Variants in SLC27A4 observed in about 807,000 individuals in gnomAD.
The protein encoded by SLC27A4 is long-chain fatty acid transport protein 4.
A neutral mutation model predicts 64.4 loss-of-function variants in SLC27A4; 33 were observed. The observed-to-expected ratio is 0.51, with a 90% confidence interval of 0.39 to 0.68. The LOEUF (loss-of-function observed/expected upper bound fraction) is 0.68. Among genes scored for constraint, SLC27A4 ranks in the 30% least tolerant of loss-of-function variants. The probability of loss-of-function intolerance (pLI) is 0.00; values close to 1 mark genes in which losing one functional copy is unlikely to be tolerated. For missense variants in SLC27A4, 824 were observed against 883.5 expected (o/e 0.93, Z 0.85); for synonymous variants, 377 against 370.0 (o/e 1.02, Z -0.22).
intron 4 of SLC27A4, among the ~76,000 whole-genome samples, chr9:128,349,931 C>T (rs1832709119): frequency 6.6e-6 from 1 of 152,200 alleles, no homozygotes; most frequent in South Asian, 2.1e-4. Context: ...CTCCTGCAAG[C>T]TTGGGCCAAA....
In SLC27A4 at chr9:128,352,896, C is replaced by A. The variant is rs182534468; in HGVS notation, c.988-129C>A. 140 of 1,079,416 alleles carry A rather than the reference C, an allele frequency of 1.3e-4. 1 individual carries two copies. The East Asian group carries it at 3.0e-3, about 23-fold the overall frequency. The allele number at this position is 1,079,416 out of a possible 1,614,324, so 66.9% of individuals were successfully genotyped here. ...AGTTCCCATTGTTCAGATGGGAAGG[C>A]TGAGACCCGGAGAGGGAAAGGATGG... On this transcript the variant is annotated intron_variant, in intron 7 of 12. Transcript: ENST00000300456.
At chr9:128,359,186 A>T (rs1832863216) in intron 12 of SLC27A4, among the ~76,000 whole-genome samples, 1 of 152,160 alleles carries the variant, frequency 6.6e-6, no homozygotes, top group African/African-American at 2.4e-5. Flanking sequence ...TACAGGATTA[A>T]TACCATTGAT....
In SLC27A4 at chr9:128,350,592, C is replaced by CA; in HGVS notation, c.877+18dup. ...ACTCAGCAGGTAACTCTAGGGCTGT[C>CA]ACACAGCCTCCAGCACCTGCCAGGT... On this transcript the variant is annotated intron_variant, in intron 6 of 12. Coordinates refer to ENST00000300456, the MANE Select transcript of SLC27A4 (RefSeq NM_005094.4). 1.9e-6 allele frequency: 3 copies of CA among 1,586,374 alleles called. No homozygotes were observed. Among genetic ancestry groups the CA allele is most frequent in the Non-Finnish European group, 2.6e-6 (3 of 1,158,952 alleles).
chr9:128,348,519 C>G, intron 3 of SLC27A4, 26 bp from the exon 4 acceptor site: 1 of 1,612,122 alleles, frequency 6.2e-7, no homozygotes, highest in Non-Finnish European at 8.5e-7. Flanking sequence ...TCTGGCCTGC[C>G]TGCTGACTGC....
chr9:128,352,190 G>A (rs1176734507), intron 6 of SLC27A4, among the ~76,000 whole-genome samples: 5 of 149,018 alleles, frequency 3.4e-5, no homozygotes, highest in African/African-American at 7.5e-5. Flanking sequence ...GCGAGACTCC[G>A]TCTCAAAAAA....
chr9:128,347,356 T>C (rs1466459297), intron 3 of SLC27A4, among the ~76,000 whole-genome samples: 2 of 152,150 alleles, frequency 1.3e-5, no homozygotes, highest in African/African-American at 4.8e-5. Context: ...GGTTTGATCT[T>C]CAGCTTGATC....
chr9:128,352,783 C>T lies in SLC27A4; in HGVS notation c.987+36C>T, dbSNP rs531234156. On this transcript the variant is annotated intron_variant, in intron 7 of 12. Transcript: ENST00000300456. ...GCGGGAAGGGTGAGCTGTCCCTTTC[C>T]CCTAGTTACCCTCTTCCCAACTACA... The T allele has an allele frequency of 7.6e-5, 113 of 1,479,574 alleles. No homozygotes were observed. The South Asian group carries it at 1.2e-3, about 16-fold the overall frequency. The allele number at this position is 1,479,574 out of a possible 1,614,324, so 91.7% of individuals were successfully genotyped here.
chr9:128,352,534 G>A, intron 6 of SLC27A4, 104 bp from the exon 7 acceptor site: 1 of 913,206 alleles, frequency 1.1e-6, no homozygotes, highest in Non-Finnish European at 1.8e-6. Context: ...GCAGAAGCCT[G>A]CAGGGCAGCA....
At chr9:128,359,378 C>T (rs147586479) in intron 12 of SLC27A4, among the ~76,000 whole-genome samples, 11 of 152,192 alleles carry the variant, frequency 7.2e-5, no homozygotes, top group Admixed American at 3.9e-4. Flanking sequence ...AATCCCAGCA[C>T]TTTGGGAGGT....
rs752720767 is a variant in SLC27A4 at position 128,345,177 on chromosome 9, G to A, written c.184G>A (p.Val62Met). ...CAGTGGCGGCCTGGTCCTCCTGAAG[G>A]TGAAGGCAAAGGTGCGACAGTGCCT... ...DIFGGLVLLK[V>M]KAKVRQCLQE... is the part of the protein sequence containing the mutation. The change falls in exon 3 of 13, where the codon GTG becomes ATG. Residue 62 changes from valine (V) to methionine (M), a missense_variant. Val to Met is a conservative substitution (Grantham distance 21, BLOSUM62 1). Transcript: ENST00000300456. The surrounding 1 kb of genome is among the most constrained non-coding windows in gnomAD (Gnocchi z 4.1). 1.2e-6 allele frequency: 2 copies of A among 1,613,380 alleles called. No individual in the cohort carries two copies. The highest frequency in any genetic ancestry group is 1.7e-6 in the Non-Finnish European group (2 of 1,180,024).
In SLC27A4 at chr9:128,352,621, C is replaced by A; in HGVS notation, c.878-17C>A. 6.3e-7 allele frequency: 1 copy of A among 1,598,538 alleles called. No individual in the cohort carries two copies. The highest frequency in any genetic ancestry group is 8.6e-7 in the Non-Finnish European group (1 of 1,165,810). Reference sequence around the variant, plus strand: ...CTTCATCTCGCTGACCCTCAGGGGCCATCCCTCTGCCTCCAGGAAACATCG... The same window carrying A: ...CTTCATCTCGCTGACCCTCAGGGGCAATCCCTCTGCCTCCAGGAAACATCG... On this transcript the variant is annotated splice_polypyrimidine_tract_variant and intron_variant, in intron 6 of 12. Transcript: ENST00000300456.
chr9:128,357,669 C>G (rs1304650430), intron 12 of SLC27A4, among the ~76,000 whole-genome samples: 1 of 152,180 alleles, frequency 6.6e-6, no homozygotes, highest in Admixed American at 6.5e-5. Flanking sequence ...CTCAAGAGTT[C>G]CCTGGTGGGC....
Position 128,340,765 on chromosome 9 carries a change from G to GC in SLC27A4, c.-76dup. The GC allele has an allele frequency of 1.5e-6, 1 of 670,608 alleles. No homozygotes were observed. The highest frequency in any genetic ancestry group is 2.7e-6 in the Non-Finnish European group (1 of 363,730). The allele number at this position is 670,608 out of a possible 1,614,324, so 41.5% of individuals were successfully genotyped here. On this transcript the variant is annotated 5_prime_UTR_variant, in exon 1 of 13. Coordinates refer to ENST00000300456, the MANE Select transcript of SLC27A4 (RefSeq NM_005094.4). ...CTCCGTGCGTCCAGGGGCGGCTAAT[G>GC]CCCCTCACGCTGTCTACGCTGCTGC... is the stretch of plus-strand genomic sequence containing the variant.
chr9:128,355,628 G>A (rs890424911), intron 11 of SLC27A4, 22 bp from the exon 12 acceptor site: 2 of 1,608,466 alleles, frequency 1.2e-6, no homozygotes, highest in South Asian at 2.2e-5. Flanking sequence ...CAGCTACTCA[G>A]TGTCTACCCT....
In SLC27A4 at chr9:128,340,554, C is replaced by G. The variant is rs1293996930; in HGVS notation, c.-291C>G. The G allele has an allele frequency of 5.2e-6, 1 of 191,256 alleles. No homozygotes were observed. Among genetic ancestry groups the G allele is most frequent in the Non-Finnish European group, 1.0e-5 (1 of 95,430 alleles). 11.8% of individuals were successfully genotyped at this position (191,256 alleles called of 1,614,324 possible). On this transcript the variant is annotated 5_prime_UTR_variant, in exon 1 of 13. Coordinates refer to ENST00000300456, the MANE Select transcript of SLC27A4 (RefSeq NM_005094.4). ...GCGCGCTGGGGCTGCGCTGCGCCGC[C>G]GGCTCTGTGGCTTGCCGGCTTCGGG...
rs1361033930 is a variant in SLC27A4, at chr9:128,340,786, G to C, written c.-59G>C. The C allele has an allele frequency of 1.4e-6, 1 of 689,938 alleles. No homozygotes were observed. The highest frequency in any genetic ancestry group is 2.7e-6 in the Non-Finnish European group (1 of 373,690). The allele number at this position is 689,938 out of a possible 1,614,324, so 42.7% of individuals were successfully genotyped here. ...TAATGCCCCTCACGCTGTCTACGCTGCTGCAACCGGGCCGCATCTGGACGG... is the reference window on the plus strand; with the variant it reads ...TAATGCCCCTCACGCTGTCTACGCTCCTGCAACCGGGCCGCATCTGGACGG... On this transcript the variant is annotated 5_prime_UTR_variant, in exon 1 of 13. Transcript: ENST00000300456.
chr9:128,359,085 GA>G (rs1452113081), intron 12 of SLC27A4, among the ~76,000 whole-genome samples: 2 of 152,224 alleles, frequency 1.3e-5, no homozygotes, highest in Non-Finnish European at 2.9e-5. Flanking sequence ...TGTGTACAGG[GA>G]GGGGAGGAAT....
At position 128,355,096 on chromosome 9, in the gene SLC27A4, C is replaced by G. The variant is rs779347193; in HGVS notation, c.1368C>G (p.Pro456=). ...TGGGCCGCATCATCCAGAAAGACCC[C>G]CTGCGCCGCTTCGATGGCTACCTCA... ...QLVGRIIQKD[P]LRRFDGYLNQ... The change falls in exon 10 of 13, where the codon CCC becomes CCG. Residue 456 remains proline, a synonymous_variant. Coordinates refer to ENST00000300456, the MANE Select transcript of SLC27A4 (RefSeq NM_005094.4). 16 of 1,612,978 alleles carry G rather than the reference C, an allele frequency of 9.9e-6. No homozygotes were observed. In the Admixed American group the frequency reaches 2.7e-4, roughly 27 times the overall value.
chr9:128,343,260 G>T lies in SLC27A4; in HGVS notation c.128G>T (p.Arg43Leu), dbSNP rs746350316. The T allele has an allele frequency of 1.9e-6, 3 of 1,614,094 alleles. No homozygotes were observed. Among genetic ancestry groups the T allele is most frequent in the Middle Eastern group, 3.3e-4 (2 of 6,062 alleles). The change falls in exon 2 of 13, where the codon CGG becomes CTG. Residue 43 changes from arginine to leucine, a missense_variant. Physicochemically the swap from Arg to Leu is moderately radical, Grantham distance 102. Coordinates refer to ENST00000300456, the MANE Select transcript of SLC27A4 (RefSeq NM_005094.4). ...GGATCTGGCGGCTGGCGCTTCATCCGGGTCTTCATCAAGACCATCAGGCGC... is the reference window on the plus strand; with the variant it reads ...GGATCTGGCGGCTGGCGCTTCATCCTGGTCTTCATCAAGACCATCAGGCGC... ...YLGSGGWRFI[R>L]VFIKTIRRDI...
Sources: gnomAD v4.1 joint callset for allele counts (sites outside exome capture counted in the v4.1 genomes callset) on GRCh38, gnomAD v4.1.1 for gene constraint, Gnocchi (gnomAD v3.1) non-coding constraint, MANE v1.5 for transcripts, NCBI Gene and HGNC (gene_info 2026-07-23, HGNC 2026-07-21) for gene names.